The following TRPM2 variants were observed in gnomAD, a reference collection of about 807,000 sequenced individuals.
TRPM2 encodes transient receptor potential cation channel subfamily M member 2, also known as estrogen-responsive element-associated gene 1 protein.
TRPM2 carries 161 observed loss-of-function variants against 174.0 expected under a neutral mutation model. That is an observed-to-expected ratio of 0.93 (90% CI 0.81 to 1.05). The LOEUF (loss-of-function observed/expected upper bound fraction) is 1.05, where lower values mean the gene tolerates loss of function less well. Ranked by LOEUF, TRPM2 falls within the 50% of genes least tolerant of loss-of-function variation. The pLI is 0.00. For missense variants in TRPM2, 2,057 were observed against 2,038.0 expected, an observed-to-expected ratio of 1.01 and a Z score of -0.18; for synonymous variants, 954 against 861.3, an observed-to-expected ratio of 1.11 and a Z score of -1.88.
chr21:44,391,581 G>A lies in TRPM2; in HGVS notation c.1750G>A (p.Asp584Asn), dbSNP rs1287225015. 6.3e-7 allele frequency: 1 copy of A among 1,590,030 alleles called. No homozygotes were observed. The highest frequency in any genetic ancestry group is 1.1e-5 in the South Asian group (1 of 90,240). Residue 584 changes from aspartate (D) to asparagine (N), a missense_variant, in exon 11 of 32, where the codon GAC becomes AAC. Physicochemically the swap from Asp to Asn is conservative, Grantham distance 23. Coordinates refer to ENST00000397928, the MANE Select transcript of TRPM2 (RefSeq NM_003307.4). This position sits in a 1 kb window ranked among gnomAD's most constrained non-coding sequence, Gnocchi z 5.0. ...QPLYPRPRHN[D>N]RLRLLLPVPH... ...GCTTTATCCCCGGCCCCGGCACAAC[G>A]ACCGGCTGCGGCTCCTGCTGCCCGT... is the stretch of plus-strand genomic sequence containing the variant.
Position 44,438,285 on chromosome 21 carries a change from C to G in TRPM2, c.4168-782C>G, listed in dbSNP as rs531882409. On this transcript the variant is annotated intron_variant, in intron 29 of 31. Coordinates refer to ENST00000397928, the MANE Select transcript of TRPM2 (RefSeq NM_003307.4). This position sits in a 1 kb window ranked among gnomAD's most constrained non-coding sequence, Gnocchi z 5.9. ...GCCCTGGAACACGAGTCACCCTCCGCTCTCTGGCACTTTGGCCTCTCCATG... is the reference window on the plus strand; with the variant it reads ...GCCCTGGAACACGAGTCACCCTCCGGTCTCTGGCACTTTGGCCTCTCCATG... Among the ~76,000 whole-genome samples, 28 of 152,316 alleles carry G rather than the reference C, an allele frequency of 1.8e-4. No homozygotes were observed. The highest frequency in any genetic ancestry group is 6.7e-4 in the African/African-American group (28 of 41,556).
At chr21:44,357,176 C>CA (rs1602115296) in intron 2 of TRPM2, among the ~76,000 whole-genome samples, 1 of 152,228 alleles carries the variant, frequency 6.6e-6, no homozygotes, top group African/African-American at 2.4e-5. Flanking sequence ...AGATGGGACT[C>CA]ACTCTGGTTT....
intron 2 of TRPM2, among the ~76,000 whole-genome samples, chr21:44,356,394 C>T (rs937178155): frequency 6.6e-6 from 1 of 151,526 alleles, no homozygotes; most frequent in Non-Finnish European, 1.5e-5. Flanking sequence ...ACCCCAAGGG[C>T]GGGTTCTTGG....
chr21:44,377,565 G>T, intron 6 of TRPM2, 147 bp from the exon 7 acceptor site: 1 of 1,079,100 alleles, frequency 9.3e-7, no homozygotes. Context: ...GGAGCCAGCA[G>T]GGGGCAGGGG....
At position 44,404,894 on chromosome 21, in the gene TRPM2, C is replaced by T. The variant is rs1337201587; in HGVS notation, c.2539-248C>T. On this transcript the variant is annotated intron_variant, in intron 16 of 31. Transcript: ENST00000397928. ...GTGATGATAGTGGATAGTGATATGA[C>T]AGTGATGGTGACAGCAAGGATAGTG... Among the ~76,000 whole-genome samples, 3 of 122,632 alleles carry T rather than the reference C, an allele frequency of 2.4e-5. 1 individual carries two copies. The highest frequency in any genetic ancestry group is 8.0e-5 in the African/African-American group (3 of 37,594). 80.5% of individuals were successfully genotyped at this position (122,632 alleles called of 152,430 possible).
chr21:44,440,646 C>T (rs977016807), intron 30 of TRPM2, 143 bp from the exon 31 acceptor site: 19 of 726,910 alleles, frequency 2.6e-5, no homozygotes, highest in Admixed American at 7.7e-5. Flanking sequence ...GGCAGGCTGG[C>T]GGGGGCTGGG....
At chr21:44,373,251 A>T (rs987223914) in intron 5 of TRPM2, among the ~76,000 whole-genome samples, 16 of 151,576 alleles carry the variant, frequency 1.1e-4, no homozygotes, top group African/African-American at 3.9e-4. Flanking sequence ...CAGTGGTGCG[A>T]TCTCAGCTCA....
At chr21:44,402,241 C>T (rs1284528792) in intron 16 of TRPM2, among the ~76,000 whole-genome samples, 1 of 152,132 alleles carries the variant, frequency 6.6e-6, no homozygotes. Context: ...TCCCTAAGAC[C>T]CCTCTCACGT....
chr21:44,366,616 A>T lies in TRPM2; in HGVS notation c.424-138A>T. 4 of 1,101,796 alleles carry T rather than the reference A, an allele frequency of 3.6e-6. No homozygotes were observed. Among genetic ancestry groups the T allele is most frequent in the Non-Finnish European group, 3.9e-6 (3 of 765,954 alleles). The allele number at this position is 1,101,796 out of a possible 1,614,324, so 68.3% of individuals were successfully genotyped here. A position where few individuals can be genotyped will look rare whatever the true frequency, so the allele number is the denominator to read the frequency against. ...TGATCTGTGCCCTGCCCACATGGGG[A>T]CCCCTTTTCTGGGTCTGAGCCGGAA... On this transcript the variant is annotated intron_variant, in intron 3 of 31. Coordinates refer to ENST00000397928, the MANE Select transcript of TRPM2 (RefSeq NM_003307.4). The surrounding 1 kb of genome is among the most constrained non-coding windows in gnomAD (Gnocchi z 6.0).
At chr21:44,369,118 C>A in intron 4 of TRPM2, 59 bp from the exon 5 acceptor site, 4 of 1,341,126 alleles carry the variant, frequency 3.0e-6, no homozygotes, top group Non-Finnish European at 3.8e-6. Flanking sequence ...GCGTCAGGCT[C>A]CTGGGTGTCA....
Position 44,439,284 on chromosome 21 carries a change from C to A in TRPM2, c.4269+116C>A. 1 of 884,636 alleles carries A rather than the reference C, an allele frequency of 1.1e-6. No individual in the cohort carries two copies. The highest frequency in any genetic ancestry group is 2.1e-5 in the Admixed American group (1 of 47,510). 54.8% of individuals were successfully genotyped at this position (884,636 alleles called of 1,614,324 possible). On this transcript the variant is annotated intron_variant, in intron 30 of 31. Transcript: ENST00000397928. The surrounding 1 kb of genome is among the most constrained non-coding windows in gnomAD (Gnocchi z 5.1). ...ACTGGGTGGCAGCGGTCCCACCCAG[C>A]TTCACCAGGTGACGGTGGTCCCAGC...
chr21:44,352,704 T>A (rs2047947183), upstream of TRPM2, among the ~76,000 whole-genome samples: 1 of 152,204 alleles, frequency 6.6e-6, no homozygotes, highest in African/African-American at 2.4e-5. Context: ...AACATGCTTA[T>A]GTTTCTCATT....
chr21:44,400,346 C>A lies in TRPM2; in HGVS notation c.2296C>A (p.Leu766Ile). Residue 766 changes from leucine (L) to isoleucine (I), a missense_variant, in exon 15 of 32, where the codon CTC becomes ATC. By Grantham distance (5) the Leu-to-Ile change is conservative. Transcript: ENST00000397928. ...VTLCMLAFPL[L>I]LTGLISFREK... ...CCTGTGCATGCTGGCCTTCCCGCTGCTCCTCACCGGCCTCATCTCCTTCAG... is the reference window on the plus strand; with the variant it reads ...CCTGTGCATGCTGGCCTTCCCGCTGATCCTCACCGGCCTCATCTCCTTCAG... The A allele has an allele frequency of 6.2e-7, 1 of 1,612,418 alleles. No homozygotes were observed. The highest frequency in any genetic ancestry group is 8.5e-7 in the Non-Finnish European group (1 of 1,179,868).
intron 2 of TRPM2, among the ~76,000 whole-genome samples, chr21:44,360,250 G>A (rs561927739): frequency 3.3e-5 from 5 of 152,214 alleles, no homozygotes; most frequent in South Asian, 2.1e-4. Context: ...AGAGATTGCC[G>A]CATTCTTGCC....
rs1467004089 is a variant in TRPM2 at position 44,410,989 on chromosome 21, G to A, written c.2963-2902G>A. Among the ~76,000 whole-genome samples the A allele has an allele frequency of 3.3e-5, 5 of 150,356 alleles. No homozygotes were observed. In the East Asian group the frequency reaches 9.9e-4, roughly 30 times the overall value. On this transcript the variant is annotated intron_variant, in intron 19 of 31. Transcript: ENST00000397928. Reference sequence around the variant, plus strand: ...AGTAAGTTTTGACCACACTGTCTTGGTGAGCGTAGCCTTGTAGTAAGTTTT... The same window carrying A: ...AGTAAGTTTTGACCACACTGTCTTGATGAGCGTAGCCTTGTAGTAAGTTTT...
In TRPM2 at chr21:44,399,113, C is replaced by T. The variant is rs1356429549; in HGVS notation, c.2063-183C>T. Among the ~76,000 whole-genome samples the T allele has an allele frequency of 2.0e-5, 3 of 152,156 alleles. No homozygotes were observed. The highest frequency in any genetic ancestry group is 4.8e-5 in the African/African-American group (2 of 41,502). ...TTTTGTAGAGGCAGTTCCAGCCCTA[C>T]GTGCCCTCTCCCTGGGGTCCTCGTC... On this transcript the variant is annotated intron_variant, in intron 13 of 31. Coordinates refer to ENST00000397928, the MANE Select transcript of TRPM2 (RefSeq NM_003307.4). The surrounding 1 kb of genome is among the most constrained non-coding windows in gnomAD (Gnocchi z 4.6).
intron 15 of TRPM2, among the ~76,000 whole-genome samples, chr21:44,400,745 AGTGCCT>A (rs2049590684): frequency 1.0e-5 from 1 of 98,850 alleles, no homozygotes; most frequent in Non-Finnish European, 2.7e-5. Context: ...GCTGCGGCTG[AGTGCCT>A]CCCTGTCCTC....
At position 44,354,814 on chromosome 21, in the gene TRPM2, C is replaced by A; in HGVS notation, c.254+78C>A. 1.6e-6 allele frequency: 2 copies of A among 1,277,600 alleles called. No homozygotes were observed. Among genetic ancestry groups the A allele is most frequent in the Non-Finnish European group, 2.3e-6 (2 of 874,574 alleles). 79.1% of individuals were successfully genotyped at this position (1,277,600 alleles called of 1,614,324 possible). A position where few individuals can be genotyped will look rare whatever the true frequency, so the allele number is the denominator to read the frequency against. ...CATGGAGTAGCTGATCAGGCCAAGA[C>A]CCCTCAGGGCCTCAGTGAAGGGTCA... On this transcript the variant is annotated intron_variant, in intron 2 of 31. Transcript: ENST00000397928. The surrounding 1 kb of genome is among the most constrained non-coding windows in gnomAD (Gnocchi z 4.3).
At position 44,435,163 on chromosome 21, in the gene TRPM2, G is replaced by A. The variant is rs550041022; in HGVS notation, c.4007G>A (p.Arg1336His). The change falls in exon 28 of 32, where the codon CGC becomes CAC. Residue 1336 changes from arginine to histidine, a missense_variant. Coordinates refer to ENST00000397928, the MANE Select transcript of TRPM2 (RefSeq NM_003307.4). ...NPMGRTGLRG[R>H]GSLSCFGPNH... ...ATGGGCCGCACAGGACTGCGTGGGC[G>A]CGGGAGCCTCAGCTGCTTCGGACCC... The A allele has an allele frequency of 1.6e-5, 26 of 1,613,412 alleles. No individual in the cohort carries two copies. Among genetic ancestry groups the A allele is most frequent in the African/African-American group, 6.7e-5 (5 of 75,008 alleles).
Sources: allele counts gnomAD v4.1 joint callset (sites outside exome capture counted in the v4.1 genomes callset), GRCh38; gene constraint gnomAD v4.1.1; non-coding constraint Gnocchi (gnomAD v3.1); transcripts MANE v1.5; gene names NCBI Gene and HGNC (gene_info 2026-07-23, HGNC 2026-07-21).